TMEM243: variants seen among roughly 807,000 people sequenced by gnomAD.
The protein encoded by TMEM243 is MDR1 and mitochondrial taxol resistance associated.
Under a neutral mutation model 15.0 loss-of-function variants are expected in TMEM243, and 20 were observed. The ratio of observed to expected loss-of-function variants is 1.33; its 90% confidence interval spans 0.94 to 1.93. The LOEUF (loss-of-function observed/expected upper bound fraction) is 1.93. Ranked by LOEUF, TMEM243 falls within the 30% of genes most tolerant of loss-of-function variation. The pLI, the probability that TMEM243 is intolerant of heterozygous loss-of-function variation, is 0.00. For missense variants in TMEM243, 156 were observed against 142.1 expected (o/e 1.10, Z -0.50); for synonymous variants, 72 against 52.7 (o/e 1.37, Z -1.59).
At chr7:87,208,251 A>G (rs1453915184) in intron 1 of TMEM243, among the ~76,000 whole-genome samples, 1 of 152,242 alleles carries the variant, frequency 6.6e-6, no homozygotes, top group Non-Finnish European at 1.5e-5. Flanking sequence ...ATGAGTCTGT[A>G]AAATCAAAAG....
chr7:87,205,926 G>C (rs1350249067), intron 1 of TMEM243, among the ~76,000 whole-genome samples: 1 of 152,056 alleles, frequency 6.6e-6, no homozygotes, highest in Non-Finnish European at 1.5e-5. Context: ...ACCAATTTAT[G>C]TATTAGCCCG....
intron 1 of TMEM243, among the ~76,000 whole-genome samples, chr7:87,203,731 T>C (rs1042557299): frequency 3.3e-5 from 5 of 152,120 alleles, no homozygotes; most frequent in Admixed American, 6.5e-5. Flanking sequence ...ATAATAAAAG[T>C]AAGCATACTG....
chr7:87,204,212 C>A (rs1370995459), intron 1 of TMEM243, among the ~76,000 whole-genome samples: 2 of 152,180 alleles, frequency 1.3e-5, no homozygotes, highest in Non-Finnish European at 2.9e-5. Context: ...CCCCATGATT[C>A]AGTCATCTCC....
At chr7:87,215,520 GCTA>G (rs1313038599) in intron 1 of TMEM243, among the ~76,000 whole-genome samples, 4 of 151,880 alleles carry the variant, frequency 2.6e-5, no homozygotes, top group African/African-American at 7.3e-5. Context: ...TTTTCATATG[GCTA>G]CTAAGAAATG....
chr7:87,205,215 A>G lies in TMEM243; in HGVS notation c.79-6158T>C, dbSNP rs536133605. 6.8e-4 allele frequency among the ~76,000 whole-genome samples: 104 copies of G among 152,308 alleles called. 2 individuals carry two copies. In the South Asian group the frequency reaches 0.021, roughly 30 times the overall value. On this transcript the variant is annotated intron_variant, in intron 1 of 3. Transcript: ENST00000257637. The stretch of plus-strand genomic sequence containing the variant: ...ATCCTCCTAGGCCTCTAGGCCTGTG[A>G]TGGGAGGGGCTGCCTCAAAGGTCTC...
chr7:87,198,309 ACC>A (rs1801521901), intron 2 of TMEM243: 4 of 352,106 alleles, frequency 1.1e-5, no homozygotes, highest in Non-Finnish European at 2.0e-5. Flanking sequence ...CATTAACTAA[ACC>A]TCACTCCCAG....
chr7:87,207,256 C>A (rs1255589949), intron 1 of TMEM243, among the ~76,000 whole-genome samples: 1 of 152,224 alleles, frequency 6.6e-6, no homozygotes, highest in Non-Finnish European at 1.5e-5. Flanking sequence ...TGCTCCCCAA[C>A]ACTCCCAGAG....
chr7:87,217,513 A>G (rs1003078735), intron 1 of TMEM243, among the ~76,000 whole-genome samples: 2 of 152,166 alleles, frequency 1.3e-5, no homozygotes, highest in Non-Finnish European at 2.9e-5. Flanking sequence ...CCTCTCTCAG[A>G]TGTGGCATCT....
rs200814083 is a variant in TMEM243, at chr7:87,209,810, CAGTG to C, written c.78+9612_78+9615del. Among the ~76,000 whole-genome samples the C allele has an allele frequency of 2.8e-3, 265 of 94,110 alleles. 4 individuals are homozygous for C. The highest frequency in any genetic ancestry group is 8.0e-3 in the African/African-American group (187 of 23,342). The allele number at this position is 94,110 out of a possible 152,430, so 61.7% of individuals were successfully genotyped here. A position where few individuals can be genotyped will look rare whatever the true frequency, so the allele number is the denominator to read the frequency against. ...AGTGAGAGCGAGACAGAGCGAGAGA[CAGTG>C]AGAGAGCGAGAGACAGTGAGAGAGA... On this transcript the variant is annotated intron_variant, in intron 1 of 3. Transcript: ENST00000257637.
At chr7:87,197,449 AT>A (rs988288361) in intron 3 of TMEM243, among the ~76,000 whole-genome samples, 12 of 152,034 alleles carry the variant, frequency 7.9e-5, no homozygotes, top group African/African-American at 2.7e-4. Flanking sequence ...TAAATCAAAC[AT>A]TTTTACAACA....
At chr7:87,200,318 T>TAC (rs1242592278) in intron 1 of TMEM243, among the ~76,000 whole-genome samples, 1 of 152,104 alleles carries the variant, frequency 6.6e-6, no homozygotes, top group African/African-American at 2.4e-5. Context: ...TAGAGAAGCC[T>TAC]ACACAGCACA....
At chr7:87,198,146 T>C (rs1318146170) in intron 2 of TMEM243, 101 bp from the exon 3 acceptor site, 3 of 927,644 alleles carry the variant, frequency 3.2e-6, no homozygotes, top group South Asian at 1.8e-5. Flanking sequence ...CTTCATGTTA[T>C]AAAATTACAT....
intron 1 of TMEM243, among the ~76,000 whole-genome samples, chr7:87,212,088 A>T (rs1379556452): frequency 6.6e-6 from 1 of 152,206 alleles, no homozygotes; most frequent in Non-Finnish European, 1.5e-5. Flanking sequence ...TATTTGTACA[A>T]TGTCTACCAT....
chr7:87,209,486 G>A (rs1300808700), intron 1 of TMEM243, among the ~76,000 whole-genome samples: 1 of 120,930 alleles, frequency 8.3e-6, no homozygotes, highest in African/African-American at 3.9e-5. Flanking sequence ...GTGAGATAGT[G>A]AGAGAGAGAG....
At chr7:87,200,123 C>T (rs1184617969) in intron 1 of TMEM243, among the ~76,000 whole-genome samples, 2 of 152,110 alleles carry the variant, frequency 1.3e-5, no homozygotes, top group African/African-American at 2.4e-5. Context: ...AGTTAAGAGT[C>T]AGGCAAAATT....
At position 87,215,503 on chromosome 7, in the gene TMEM243, T is replaced by C. The variant is rs955898012; in HGVS notation, c.78+3923A>G. On this transcript the variant is annotated intron_variant, in intron 1 of 3. Transcript: ENST00000257637. ...AATTATTAATATTTCACTTGTTTCT[T>C]TATACTTTTTCATATGGCTACTAAG... Among the ~76,000 whole-genome samples the C allele has an allele frequency of 1.3e-5, 2 of 152,228 alleles. 1 individual carries two copies. The highest frequency in any genetic ancestry group is 1.3e-4 in the Admixed American group (2 of 15,276).
At chr7:87,202,715 A>C (rs1329045956) in intron 1 of TMEM243, among the ~76,000 whole-genome samples, 1 of 152,238 alleles carries the variant, frequency 6.6e-6, no homozygotes, top group East Asian at 1.9e-4. Flanking sequence ...AACAGTCCTA[A>C]AACTAATAAA....
chr7:87,211,964 G>T (rs1802783893), intron 1 of TMEM243, among the ~76,000 whole-genome samples: 1 of 152,178 alleles, frequency 6.6e-6, no homozygotes, highest in Admixed American at 6.5e-5. Flanking sequence ...ATGAGAATTT[G>T]GGCACACCCA....
At chr7:87,197,204 A>AGTG (rs1801359734) in intron 3 of TMEM243, among the ~76,000 whole-genome samples, 1 of 152,118 alleles carries the variant, frequency 6.6e-6, no homozygotes, top group South Asian at 2.1e-4. Flanking sequence ...AAGCTCCCAA[A>AGTG]GTGGGATGGG....
Sources: allele counts gnomAD v4.1 joint callset (sites outside exome capture counted in the v4.1 genomes callset), GRCh38; gene constraint gnomAD v4.1.1; transcripts MANE v1.5; gene names NCBI Gene and HGNC (gene_info 2026-07-23, HGNC 2026-07-21).